Variants in SKA2 observed in about 807,000 individuals in gnomAD.
SKA2 encodes spindle and kinetochore-associated protein 2.
In SKA2, 13 loss-of-function variants were observed where a neutral mutation model predicts 16.9. The ratio of observed to expected loss-of-function variants is 0.77; its 90% CI spans 0.50 to 1.22. The LOEUF is 1.22. Among genes scored for constraint, SKA2 ranks in the 50% most tolerant of loss-of-function variants. The pLI is 0.00. For synonymous variants in SKA2, 47 were observed against 48.5 expected (o/e 0.97, Z 0.13); for missense variants, 107 against 139.7 (o/e 0.77, Z 1.18).
Position 59,112,217 on chromosome 17 carries a change from C to G in SKA2, c.*60G>C. On this transcript the variant is annotated 3_prime_UTR_variant, in exon 4 of 4. Transcript: ENST00000330137. Reference sequence around the variant, plus strand: ...ACATCAAGGGTTAACAAGACATCTTCCTAAATTTCTCCGGAATTAAGCTCT... The same window carrying G: ...ACATCAAGGGTTAACAAGACATCTTGCTAAATTTCTCCGGAATTAAGCTCT... 4.9e-6 allele frequency: 7 copies of G among 1,417,342 alleles called. 1 individual carries two copies. The South Asian group carries it at 8.4e-5, about 17-fold the overall frequency. The allele number at this position is 1,417,342 out of a possible 1,614,324, so 87.8% of individuals were successfully genotyped here.
rs1336760615 is a variant in SKA2, at chr17:59,112,139, A to G, written c.*138T>C. 1.6e-6 allele frequency: 1 copy of G among 631,498 alleles called. No individual in the cohort carries two copies. Among genetic ancestry groups the G allele is most frequent in the Non-Finnish European group, 2.8e-6 (1 of 354,194 alleles). The allele number at this position is 631,498 out of a possible 1,614,324, so 39.1% of individuals were successfully genotyped here. A position where few individuals can be genotyped will look rare whatever the true frequency, so the allele number is the denominator to read the frequency against. On this transcript the variant is annotated 3_prime_UTR_variant, in exon 4 of 4. Coordinates refer to ENST00000330137, the MANE Select transcript of SKA2 (RefSeq NM_182620.4). ...TCTTATAATCTCTCTCATGAAAGAT[A>G]TCATTATCCAGTCATTGAAGCCAAA...
intron 1 of SKA2, among the ~76,000 whole-genome samples, chr17:59,135,917 G>A (rs1009154132): frequency 2.0e-5 from 3 of 151,268 alleles, no homozygotes; most frequent in Non-Finnish European, 4.4e-5. Context: ...GATTTGATGT[G>A]TACTTGTAGT....
intron 3 of SKA2, among the ~76,000 whole-genome samples, chr17:59,114,194 C>T (rs1469313051): frequency 6.6e-6 from 1 of 152,166 alleles, no homozygotes; most frequent in Non-Finnish European, 1.5e-5. Context: ...AGTCCATTCC[C>T]TATGCCAATC....
intron 1 of SKA2, among the ~76,000 whole-genome samples, chr17:59,141,650 GGA>G (rs1228857915): frequency 2.0e-5 from 3 of 151,470 alleles, no homozygotes; most frequent in African/African-American, 7.3e-5. Flanking sequence ...CTTGAGCCCG[GGA>G]GGTCCAGGCT....
At chr17:59,130,457 C>CAAAA (rs569934567) in intron 2 of SKA2, among the ~76,000 whole-genome samples, 10 of 70,390 alleles carry the variant, frequency 1.4e-4, no homozygotes, top group Non-Finnish European at 2.8e-4. Flanking sequence ...ACTAAAAATA[C>CAAAA]AAAAAAAAAA....
chr17:59,125,988 A>G (rs1009349123), intron 2 of SKA2, among the ~76,000 whole-genome samples: 15 of 151,414 alleles, frequency 9.9e-5, no homozygotes, highest in Middle Eastern at 3.4e-3. Flanking sequence ...TGGCTAACAC[A>G]GTGAAACCCC....
chr17:59,147,661 G>T (rs2046543791), intron 1 of SKA2, among the ~76,000 whole-genome samples: 1 of 150,638 alleles, frequency 6.6e-6, no homozygotes, highest in Non-Finnish European at 1.5e-5. Flanking sequence ...ATGGAGTCTG[G>T]CTATGTTGCC....
intron 1 of SKA2, chr17:59,154,874 A>G: frequency 6.8e-7 from 1 of 1,472,986 alleles, no homozygotes. Flanking sequence ...GGTGAGGGCA[A>G]GGAACAAGGA....
intron 3 of SKA2, among the ~76,000 whole-genome samples, chr17:59,115,632 C>T (rs2046291467): frequency 6.6e-6 from 1 of 151,426 alleles, no homozygotes. Flanking sequence ...CTCGTTCCAT[C>T]GCCCAGGCTG....
At chr17:59,153,000 T>A (rs2046588844) in intron 1 of SKA2, among the ~76,000 whole-genome samples, 1 of 152,218 alleles carries the variant, frequency 6.6e-6, no homozygotes, top group Non-Finnish European at 1.5e-5. Context: ...AATGTCTGGC[T>A]ACCTTATAAT....
chr17:59,154,962 C>A, intron 1 of SKA2, 169 bp downstream of exon 1: 1 of 1,613,914 alleles, frequency 6.2e-7, no homozygotes, highest in Non-Finnish European at 8.5e-7. Flanking sequence ...TTACCCGAGG[C>A]GGTTTAGACA....
intron 3 of SKA2, among the ~76,000 whole-genome samples, chr17:59,115,067 T>C (rs1333079732): frequency 1.3e-5 from 2 of 151,482 alleles, no homozygotes; most frequent in Non-Finnish European, 2.9e-5. Context: ...TTTTTTTTTT[T>C]TTTTTAATTT....
intron 1 of SKA2, among the ~76,000 whole-genome samples, chr17:59,141,912 T>C (rs1223091449): frequency 2.0e-5 from 3 of 152,108 alleles, no homozygotes; most frequent in Non-Finnish European, 2.9e-5. Context: ...GGATGCCTGG[T>C]AGGACCTTTG....
At chr17:59,139,933 C>A (rs945332113) in intron 1 of SKA2, among the ~76,000 whole-genome samples, 1 of 152,108 alleles carries the variant, frequency 6.6e-6, no homozygotes, top group Non-Finnish European at 1.5e-5. Flanking sequence ...ACCTGGGAAC[C>A]CAACTACCCT....
At chr17:59,115,922 T>C (rs2046293126) in intron 3 of SKA2, among the ~76,000 whole-genome samples, 2 of 152,242 alleles carry the variant, frequency 1.3e-5, no homozygotes, top group South Asian at 2.1e-4. Flanking sequence ...TGGAAGATCA[T>C]AGAATACCAC....
intron 1 of SKA2, among the ~76,000 whole-genome samples, chr17:59,143,376 G>A (rs796334712): frequency 4.6e-5 from 7 of 151,722 alleles, no homozygotes; most frequent in South Asian, 2.1e-4. Context: ...GCTAATTTTC[G>A]TTATTTGTTT....
At chr17:59,132,940 C>G (rs9910629) in intron 1 of SKA2, among the ~76,000 whole-genome samples, 63,814 of 152,076 alleles carry the variant, frequency 0.42, 15,418 homozygotes, top group African/African-American at 0.67. Context: ...TATACATATA[C>G]AAAGTTGAGA....
At chr17:59,148,868 T>C (rs940583956) in intron 1 of SKA2, among the ~76,000 whole-genome samples, 3 of 142,648 alleles carry the variant, frequency 2.1e-5, no homozygotes, top group Non-Finnish European at 4.6e-5. Context: ...GACATTTCAC[T>C]AAAGAAGATA....
chr17:59,137,948 C>A (rs866031811), intron 1 of SKA2: 9 of 372,030 alleles, frequency 2.4e-5, no homozygotes, highest in Non-Finnish European at 4.9e-5. Context: ...TGATAAATCG[C>A]GCAAATTTGA....
Sources: allele counts gnomAD v4.1 joint callset (sites outside exome capture counted in the v4.1 genomes callset), GRCh38; gene constraint gnomAD v4.1.1; transcripts MANE v1.5; gene names NCBI Gene and HGNC (gene_info 2026-07-23, HGNC 2026-07-21).